Variants in MAPK4 observed in about 807,000 individuals in gnomAD.
MAPK4 encodes mitogen-activated protein kinase 4.
MAPK4 carries 22 observed loss-of-function variants against 47.7 expected under a neutral mutation model. The observed-to-expected ratio is 0.46, with a 90% CI of 0.33 to 0.66. MAPK4 has a LOEUF of 0.66. Among genes scored for constraint, MAPK4 ranks in the 30% least tolerant of loss-of-function variants. The pLI is 0.02. For missense variants in MAPK4, 736 were observed against 831.7 expected (o/e 0.88, Z 1.42); for synonymous variants, 390 against 365.7 (o/e 1.07, Z -0.76).
intron 1 of MAPK4, among the ~76,000 whole-genome samples, chr18:50,639,132 C>T (rs2042916238): frequency 6.6e-6 from 1 of 152,162 alleles, no homozygotes; most frequent in Admixed American, 6.5e-5. Flanking sequence ...TTTCAGAAAC[C>T]TGGGGAATGG....
chr18:50,700,272 G>C (rs1337403857), intron 2 of MAPK4, among the ~76,000 whole-genome samples: 1 of 152,080 alleles, frequency 6.6e-6, no homozygotes, highest in Non-Finnish European at 1.5e-5. Flanking sequence ...AAATTCCAAG[G>C]GTTTAGAAGC....
intron 3 of MAPK4, among the ~76,000 whole-genome samples, chr18:50,719,089 A>AG (rs1319807697): frequency 1.3e-5 from 2 of 151,616 alleles, no homozygotes; most frequent in African/African-American, 4.8e-5. Context: ...ACCTCAAAAA[A>AG]AAAAAAAAAA....
intron 1 of MAPK4, among the ~76,000 whole-genome samples, chr18:50,643,355 A>G (rs890643480): frequency 3.9e-5 from 6 of 152,256 alleles, no homozygotes; most frequent in African/African-American, 1.4e-4. Context: ...TCTACTAAAA[A>G]TGCAAACATT....
intron 2 of MAPK4, among the ~76,000 whole-genome samples, chr18:50,672,422 G>T (rs1908007778): frequency 6.6e-6 from 1 of 152,170 alleles, no homozygotes; most frequent in Admixed American, 6.5e-5. Flanking sequence ...ATGATCAAGG[G>T]GATTAGAACG....
At chr18:50,589,512 C>T (rs1035593699) in intron 1 of MAPK4, among the ~76,000 whole-genome samples, 10 of 148,698 alleles carry the variant, frequency 6.7e-5, no homozygotes, top group Non-Finnish European at 1.2e-4. Context: ...AGGAGAATGG[C>T]GGGAACCCGG....
At chr18:50,660,492 G>A (rs962021694) in intron 1 of MAPK4, among the ~76,000 whole-genome samples, 8 of 152,276 alleles carry the variant, frequency 5.3e-5, no homozygotes, top group Middle Eastern at 3.4e-3. Context: ...TCCAGTCAAC[G>A]GATATTTTCT....
intron 1 of MAPK4, among the ~76,000 whole-genome samples, chr18:50,609,978 A>G (rs1415694097): frequency 6.6e-6 from 1 of 152,180 alleles, no homozygotes; most frequent in African/African-American, 2.4e-5. Flanking sequence ...TCTCACAACC[A>G]TATAACATGG....
intron 2 of MAPK4, among the ~76,000 whole-genome samples, chr18:50,692,216 CTGT>C (rs1390376332): frequency 2.6e-5 from 4 of 152,234 alleles, no homozygotes; most frequent in Non-Finnish European, 4.4e-5. Context: ...CACTGCCTCA[CTGT>C]TGTTAGCCTG....
chr18:50,616,069 G>A (rs2042681831), intron 1 of MAPK4, among the ~76,000 whole-genome samples: 1 of 152,174 alleles, frequency 6.6e-6, no homozygotes, highest in Non-Finnish European at 1.5e-5. Flanking sequence ...GTCACTTCAG[G>A]TGTCGGGGAC....
chr18:50,611,944 G>T (rs1193274413), intron 1 of MAPK4, among the ~76,000 whole-genome samples: 1 of 152,166 alleles, frequency 6.6e-6, no homozygotes, highest in Non-Finnish European at 1.5e-5. Context: ...AAAGATCGAA[G>T]TATGAGTTAC....
intron 3 of MAPK4, among the ~76,000 whole-genome samples, chr18:50,720,719 G>A (rs1315162907): frequency 6.6e-6 from 1 of 152,188 alleles, no homozygotes; most frequent in African/African-American, 2.4e-5. Flanking sequence ...TGGTCCCCTG[G>A]TGGGTGGTGT....
chr18:50,588,645 T>C (rs1042365413), intron 1 of MAPK4, among the ~76,000 whole-genome samples: 4 of 152,192 alleles, frequency 2.6e-5, no homozygotes, highest in African/African-American at 9.6e-5. Flanking sequence ...GCCTCAACTT[T>C]CCAGGCTCAG....
intron 1 of MAPK4, among the ~76,000 whole-genome samples, chr18:50,633,874 C>T (rs2042854968): frequency 6.6e-6 from 1 of 152,112 alleles, no homozygotes; most frequent in Non-Finnish European, 1.5e-5. Context: ...GCCAATTCTG[C>T]ATCTAAGGTA....
At chr18:50,619,527 C>T (rs1239154338) in intron 1 of MAPK4, among the ~76,000 whole-genome samples, 1 of 152,048 alleles carries the variant, frequency 6.6e-6, no homozygotes, top group African/African-American at 2.4e-5. Context: ...CAGGGTCTCA[C>T]TGTGTTGCCC....
intron 1 of MAPK4, among the ~76,000 whole-genome samples, chr18:50,635,839 G>C (rs1230787227): frequency 6.6e-6 from 1 of 152,020 alleles, no homozygotes; most frequent in Non-Finnish European, 1.5e-5. Context: ...CCATGGTTCG[G>C]TCCACAAGCC....
chr18:50,578,025 T>C (rs1215792484), intron 1 of MAPK4, among the ~76,000 whole-genome samples: 1 of 152,186 alleles, frequency 6.6e-6, no homozygotes, highest in Non-Finnish European at 1.5e-5. Context: ...TCAGCAAGTG[T>C]TGACTGAGAG....
chr18:50,624,392 G>A (rs2042758146), intron 1 of MAPK4, among the ~76,000 whole-genome samples: 1 of 152,202 alleles, frequency 6.6e-6, no homozygotes, highest in Admixed American at 6.5e-5. Context: ...TTCCAGAAGA[G>A]TAAAGGAAAT....
chr18:50,567,889 A>G (rs2042214234), intron 1 of MAPK4, among the ~76,000 whole-genome samples: 1 of 151,926 alleles, frequency 6.6e-6, no homozygotes, highest in African/African-American at 2.4e-5. Flanking sequence ...TCTCATAGGT[A>G]TAGTGGCCAT....
At chr18:50,657,925 C>T (rs566752218) in intron 1 of MAPK4, among the ~76,000 whole-genome samples, 3 of 152,148 alleles carry the variant, frequency 2.0e-5, no homozygotes, top group South Asian at 2.1e-4. Flanking sequence ...GAAGCAGGAA[C>T]GTTTCCTGGG....
Sources: allele counts gnomAD v4.1 joint callset (sites outside exome capture counted in the v4.1 genomes callset), GRCh38; gene constraint gnomAD v4.1.1; transcripts MANE v1.5; gene names NCBI Gene and HGNC (gene_info 2026-07-23, HGNC 2026-07-21).